CCL22: variants seen among roughly 807,000 people sequenced by gnomAD.
CCL22 encodes the protein C-C motif chemokine 22.
CCL22 carries 7 observed loss-of-function variants against 7.6 expected under a neutral mutation model. That is an observed-to-expected ratio of 0.92 (90% confidence interval 0.52 to 1.72). The LOEUF (loss-of-function observed/expected upper bound fraction) is 1.72. CCL22 is among the 40% of genes most tolerant of loss of function. CCL22 has a pLI of 0.00. For synonymous variants in CCL22, 55 were observed against 47.2 expected, an observed-to-expected ratio of 1.17 and a Z score of -0.68; for missense variants, 115 against 124.7, an observed-to-expected ratio of 0.92 and a Z score of 0.37.
intron 2 of CCL22, 98 bp from the exon 3 acceptor site, chr16:57,363,406 A>G: frequency 1.4e-6 from 1 of 728,582 alleles, no homozygotes; most frequent in East Asian, 2.6e-5. Context: ...TGAGCCCTGC[A>G]TAAAGTAGGT....
chr16:57,360,538 T>C lies in CCL22; in HGVS notation c.175T>C (p.Ser59Pro). 1 of 1,614,152 alleles carries C rather than the reference T, an allele frequency of 6.2e-7. No homozygotes were observed. Among genetic ancestry groups the C allele is most frequent in the Non-Finnish European group, 8.5e-7 (1 of 1,180,022 alleles). Reference sequence around the variant, plus strand: ...GAAACACTTCTACTGGACCTCAGACTCCTGCCCGAGGCCTGGCGTGGTGTG... The same window carrying C: ...GAAACACTTCTACTGGACCTCAGACCCCTGCCCGAGGCCTGGCGTGGTGTG... ...VVKHFYWTSD[S>P]CPRPGVVLLT... The change falls in exon 2 of 3, where the codon TCC becomes CCC. Residue 59 changes from serine (S) to proline (P), a missense_variant. Coordinates refer to ENST00000219235, the MANE Select transcript of CCL22 (RefSeq NM_002990.5).
chr16:57,358,307 A>G (rs41499649), upstream of CCL22, among the ~76,000 whole-genome samples: 2,553 of 152,308 alleles, frequency 0.017, 79 homozygotes, highest in African/African-American at 0.059. Context: ...AGATGGGTCA[A>G]TGGGTCCATA....
Position 57,363,843 on chromosome 16 carries a change from AC to A in CCL22, c.*258del. The A allele has an allele frequency of 2.3e-6, 1 of 435,988 alleles. No individual in the cohort carries two copies. The highest frequency in any genetic ancestry group is 4.2e-6 in the Non-Finnish European group (1 of 237,614). The allele number at this position is 435,988 out of a possible 1,614,324, so 27.0% of individuals were successfully genotyped here. On this transcript the variant is annotated 3_prime_UTR_variant, in exon 3 of 3. Transcript: ENST00000219235. ...TCCCATCAGCGATTCCCCTGCTTAAACCCTTCCATGACTCCCCACTGCCCTA... is the reference window on the plus strand; with the variant it reads ...TCCCATCAGCGATTCCCCTGCTTAAACCTTCCATGACTCCCCACTGCCCTA...
At chr16:57,360,680 A>T in intron 2 of CCL22, 120 bp downstream of exon 2, 1 of 1,229,260 alleles carries the variant, frequency 8.1e-7, no homozygotes, top group Non-Finnish European at 1.2e-6. Flanking sequence ...GGGCTACCAG[A>T]TGCCTGCCAG....
intron 2 of CCL22, 94 bp downstream of exon 2, chr16:57,360,654 T>C: frequency 6.8e-7 from 1 of 1,470,638 alleles, no homozygotes; most frequent in South Asian, 1.2e-5. Context: ...CACCCAGGGA[T>C]GAGAGGAATG....
At chr16:57,361,188 G>C (rs1048231597) in intron 2 of CCL22, among the ~76,000 whole-genome samples, 2 of 151,526 alleles carry the variant, frequency 1.3e-5, no homozygotes, top group East Asian at 3.9e-4. Context: ...GAACCTGGAA[G>C]GTGGAGGTTG....
At chr16:57,358,604 C>T (rs1372309329), upstream of CCL22, among the ~76,000 whole-genome samples, 2 of 151,416 alleles carry the variant, frequency 1.3e-5, no homozygotes, top group Non-Finnish European at 3.0e-5. Context: ...GAGGGGGGGT[C>T]CCCTCTGAGT....
rs57186204 is a variant in CCL22, at chr16:57,364,795, C to G, written c.*1207C>G. On this transcript the variant is annotated 3_prime_UTR_variant, in exon 3 of 3. Coordinates refer to ENST00000219235, the MANE Select transcript of CCL22 (RefSeq NM_002990.5). ...TGCCTGGCCTCTTCCCTCTCCCCACCCCCCCCCCAACTTTTTTTTTTTTTT... is the reference window on the plus strand; with the variant it reads ...TGCCTGGCCTCTTCCCTCTCCCCACGCCCCCCCCAACTTTTTTTTTTTTTT... 0.75 allele frequency: 93,056 copies of G among 123,544 alleles called. 32,336 individuals are homozygous for G. Among genetic ancestry groups the G allele is most frequent in the Non-Finnish European group, 0.78 (46,056 of 59,314 alleles). 7.7% of individuals were successfully genotyped at this position (123,544 alleles called of 1,614,324 possible). A position where few individuals can be genotyped will look rare whatever the true frequency, so the allele number is the denominator to read the frequency against.
intron 2 of CCL22, among the ~76,000 whole-genome samples, chr16:57,361,258 C>CA (rs68168072): frequency 0.024 from 2,715 of 114,602 alleles, 131 homozygotes; most frequent in African/African-American, 0.082. Context: ...GACTCTGTCT[C>CA]AAAAAAAAAA....
At chr16:57,363,370 A>C (rs1267281627) in intron 2 of CCL22, 134 bp from the exon 3 acceptor site, 1 of 617,418 alleles carries the variant, frequency 1.6e-6, no homozygotes, top group Non-Finnish European at 2.9e-6. Context: ...AGATAATGTC[A>C]TATGTAGTAG....
Position 57,365,060 on chromosome 16 carries a change from C to T in CCL22, c.*1472C>T, listed in dbSNP as rs1902093715. The T allele has an allele frequency of 6.6e-6, 1 of 152,226 alleles. No homozygotes were observed. Among genetic ancestry groups the T allele is most frequent in the South Asian group, 2.1e-4 (1 of 4,832 alleles). 9.4% of individuals were successfully genotyped at this position (152,226 alleles called of 1,614,324 possible). Reference sequence around the variant, plus strand: ...CAAGTGATCCACCTTCCTTGTGCTCCCAAAGTGCTGAGATTACAGGCGTGA... The same window carrying T: ...CAAGTGATCCACCTTCCTTGTGCTCTCAAAGTGCTGAGATTACAGGCGTGA... On this transcript the variant is annotated 3_prime_UTR_variant, in exon 3 of 3. Transcript: ENST00000219235.
chr16:57,360,395 C>G (rs1902034645), intron 1 of CCL22, 42 bp from the exon 2 acceptor site: 1 of 1,612,836 alleles, frequency 6.2e-7, no homozygotes, highest in Admixed American at 1.7e-5. Context: ...GGTGACCTCT[C>G]TGGGCTCCAG....
In CCL22 at chr16:57,358,815, G is replaced by C. The variant is rs370606992; in HGVS notation, c.-2G>C. On this transcript the variant is annotated 5_prime_UTR_variant, in exon 1 of 3. Transcript: ENST00000219235. ...CCTGGGCTGAGACATACAGGACAGA[G>C]CATGGATCGCCTACAGACTGCACTC... 2 of 1,612,070 alleles carry C rather than the reference G, an allele frequency of 1.2e-6. No homozygotes were observed. The highest frequency in any genetic ancestry group is 1.7e-6 in the Non-Finnish European group (2 of 1,178,140).
intron 1 of CCL22, 129 bp from the exon 2 acceptor site, chr16:57,360,308 T>C: frequency 8.7e-7 from 1 of 1,151,492 alleles, no homozygotes; most frequent in Non-Finnish European, 1.2e-6. Flanking sequence ...CTGGTCACCA[T>C]CCTTCCACAT....
chr16:57,363,458 T>C (rs1460957150), intron 2 of CCL22, 46 bp from the exon 3 acceptor site: 2 of 1,296,090 alleles, frequency 1.5e-6, no homozygotes, highest in South Asian at 1.2e-5. Context: ...GCATCCTTGC[T>C]GCGTGCTAAT....
At chr16:57,362,040 C>A (rs1363111382) in intron 2 of CCL22, among the ~76,000 whole-genome samples, 8 of 152,190 alleles carry the variant, frequency 5.3e-5, no homozygotes, top group African/African-American at 1.9e-4. Context: ...TAAATATGAA[C>A]TCATTTAATC....
intron 2 of CCL22, among the ~76,000 whole-genome samples, chr16:57,363,007 T>C (rs1902066023): frequency 6.6e-6 from 1 of 152,016 alleles, no homozygotes; most frequent in Non-Finnish European, 1.5e-5. Flanking sequence ...TTTTTTTTTT[T>C]CTTGACACGG....
Position 57,363,894 on chromosome 16 carries a change from G to A in CCL22, c.*306G>A. On this transcript the variant is annotated 3_prime_UTR_variant, in exon 3 of 3. Transcript: ENST00000219235. ...AAGCTGAGGTCAGTCTCCCAAGCCT[G>A]GCATGTGGCCCTCTGGATCTGGGTT... The A allele has an allele frequency of 3.6e-6, 1 of 280,896 alleles. No homozygotes were observed. Among genetic ancestry groups the A allele is most frequent in the African/African-American group, 2.1e-5 (1 of 46,952 alleles). The allele number at this position is 280,896 out of a possible 1,614,324, so 17.4% of individuals were successfully genotyped here. A position where few individuals can be genotyped will look rare whatever the true frequency, so the allele number is the denominator to read the frequency against.
rs571577607 is a variant in CCL22 at position 57,362,570 on chromosome 16, G to A, written c.198-934G>A. 3.3e-5 allele frequency among the ~76,000 whole-genome samples: 5 copies of A among 152,154 alleles called. No homozygotes were observed. In the South Asian group the frequency reaches 1.0e-3, roughly 32 times the overall value. ...AGTTAAGTGATATTATAAGACTCTT[G>A]GGGATTCTGGCTTGGCGCAGTGGCT... On this transcript the variant is annotated intron_variant, in intron 2 of 2. Transcript: ENST00000219235.
Sources: allele counts gnomAD v4.1 joint callset (sites outside exome capture counted in the v4.1 genomes callset), GRCh38; gene constraint gnomAD v4.1.1; transcripts MANE v1.5; gene names NCBI Gene and HGNC (gene_info 2026-07-23, HGNC 2026-07-21).